Variants in RALGPS2 observed in about 807,000 individuals in gnomAD.
RALGPS2 encodes Ral GEF with PH domain and SH3 binding motif 2, also known as ras-specific guanine nucleotide-releasing factor RalGPS2.
In RALGPS2, 43 loss-of-function variants were observed where a neutral mutation model predicts 86.8. The ratio of observed to expected loss-of-function variants is 0.50; its 90% CI spans 0.39 to 0.64. The LOEUF (loss-of-function observed/expected upper bound fraction) is 0.64, where lower values mean the gene tolerates loss of function less well. Among genes scored for constraint, RALGPS2 ranks in the 30% least tolerant of loss-of-function variants. RALGPS2 has a pLI of 0.00. For missense variants in RALGPS2, 536 were observed against 694.6 expected (o/e 0.77, Z 2.57); for synonymous variants, 243 against 231.3 (o/e 1.05, Z -0.46).
At chr1:178,915,055 A>G (rs1325468133) in intron 19 of RALGPS2, among the ~76,000 whole-genome samples, 3 of 152,230 alleles carry the variant, frequency 2.0e-5, no homozygotes, top group Admixed American at 1.3e-4. Context: ...CTGTGCAACA[A>G]GTCAACCAGA....
chr1:178,864,845 T>C (rs1405587243), intron 8 of RALGPS2: 3 of 643,964 alleles, frequency 4.7e-6, no homozygotes, highest in Non-Finnish European at 6.7e-6. Flanking sequence ...AATTTTAATG[T>C]ACATATATAA....
chr1:178,833,315 A>G, intron 7 of RALGPS2, 109 bp from the exon 8 acceptor site: 1 of 1,041,098 alleles, frequency 9.6e-7, no homozygotes, highest in Non-Finnish European at 1.3e-6. Flanking sequence ...AAGAAGATAT[A>G]ACTTTGAAAT....
chr1:178,843,457 A>T (rs1656701860), intron 8 of RALGPS2, among the ~76,000 whole-genome samples: 1 of 147,052 alleles, frequency 6.8e-6, no homozygotes, highest in African/African-American at 2.5e-5. Context: ...GAACAATGAG[A>T]TCACATGGAC....
intron 7 of RALGPS2, among the ~76,000 whole-genome samples, chr1:178,830,325 G>C (rs1655958294): frequency 6.6e-6 from 1 of 152,174 alleles, no homozygotes; most frequent in African/African-American, 2.4e-5. Context: ...TGGCCTAACA[G>C]ATGTCAGGAT....
chr1:178,726,421 G>C (rs1328724421), intron 1 of RALGPS2: 1 of 152,180 alleles, frequency 6.6e-6, no homozygotes, highest in Non-Finnish European at 1.5e-5. Flanking sequence ...GAAGCTGCGA[G>C]CTGATAGGAG....
At chr1:178,889,482 C>T (rs1290755669) in intron 13 of RALGPS2, among the ~76,000 whole-genome samples, 160 bp from the exon 14 acceptor site, 1 of 151,938 alleles carries the variant, frequency 6.6e-6, no homozygotes, top group Non-Finnish European at 1.5e-5. Context: ...ATAAACCTAA[C>T]AGCAGTAATA....
chr1:178,790,679 C>T (rs936271902), intron 4 of RALGPS2, among the ~76,000 whole-genome samples: 3 of 152,192 alleles, frequency 2.0e-5, no homozygotes, highest in Admixed American at 6.5e-5. Flanking sequence ...TTGATATATA[C>T]ACTTTAATGC....
At chr1:178,853,000 A>G in intron 8 of RALGPS2, 1 of 1,549,564 alleles carries the variant, frequency 6.5e-7, no homozygotes, top group Non-Finnish European at 8.7e-7. Context: ...GTATAGAGAT[A>G]GTAAACATTT....
chr1:178,852,759 T>A (rs1348421741), intron 8 of RALGPS2: 1 of 1,613,850 alleles, frequency 6.2e-7, no homozygotes, highest in Non-Finnish European at 8.5e-7. Flanking sequence ...CCCCTGCATT[T>A]CCCTGGTAAG....
At chr1:178,744,248 A>G (rs1489055980) in intron 1 of RALGPS2, among the ~76,000 whole-genome samples, 1 of 152,220 alleles carries the variant, frequency 6.6e-6, no homozygotes, top group Non-Finnish European at 1.5e-5. Context: ...AAAAAACTAT[A>G]TGATCATCTC....
Position 178,775,871 on chromosome 1 carries a change from T to C in RALGPS2, c.-83-811T>C, listed in dbSNP as rs185344426. Among the ~76,000 whole-genome samples, 3 of 150,240 alleles carry C rather than the reference T, an allele frequency of 2.0e-5. No homozygotes were observed. The East Asian group carries it at 5.9e-4, about 29-fold the overall frequency. Reference sequence around the variant, plus strand: ...TGGTACAGTAAAGCCACCATATCCATGGGTTCTACATCTGGATTCAAACAA... The same window carrying C: ...TGGTACAGTAAAGCCACCATATCCACGGGTTCTACATCTGGATTCAAACAA... On this transcript the variant is annotated intron_variant, in intron 1 of 19. Coordinates refer to ENST00000367635, the MANE Select transcript of RALGPS2 (RefSeq NM_152663.5).
At chr1:178,827,017 C>T (rs1655778514) in intron 7 of RALGPS2, among the ~76,000 whole-genome samples, 1 of 151,948 alleles carries the variant, frequency 6.6e-6, no homozygotes, top group Admixed American at 6.6e-5. Context: ...AGTAACATTC[C>T]AAGATACAAA....
At chr1:178,859,396 T>C (rs2102316105) in intron 8 of RALGPS2, among the ~76,000 whole-genome samples, 1 of 148,110 alleles carries the variant, frequency 6.8e-6, no homozygotes, top group East Asian at 2.0e-4. Context: ...ACTTTCCAAG[T>C]TTAACTTTTT....
At chr1:178,846,076 T>G (rs1378259390) in intron 8 of RALGPS2, among the ~76,000 whole-genome samples, 1 of 152,232 alleles carries the variant, frequency 6.6e-6, no homozygotes, top group Admixed American at 6.5e-5. Context: ...TTCTAACTCA[T>G]GTAAAAATGT....
chr1:178,761,469 C>CTGGGTT (rs199506388), intron 1 of RALGPS2, among the ~76,000 whole-genome samples: 1,951 of 151,844 alleles, frequency 0.013, 24 homozygotes, highest in Non-Finnish European at 0.019. Context: ...TTTTGCGTGA[C>CTGGGTT]TGGGTTTGTT....
intron 1 of RALGPS2, among the ~76,000 whole-genome samples, chr1:178,772,455 G>T (rs1460290154): frequency 6.6e-6 from 1 of 152,162 alleles, no homozygotes. Context: ...TATCTTAGGA[G>T]ATCTCAGCTC....
chr1:178,840,584 T>A (rs981490977), intron 8 of RALGPS2, among the ~76,000 whole-genome samples: 19 of 151,050 alleles, frequency 1.3e-4, no homozygotes, highest in African/African-American at 4.4e-4. Context: ...ACATCACAAT[T>A]GAACTAGAGA....
chr1:178,780,506 C>T (rs1653337691), intron 2 of RALGPS2, among the ~76,000 whole-genome samples: 1 of 152,104 alleles, frequency 6.6e-6, no homozygotes, highest in South Asian at 2.1e-4. Context: ...TGTGGTTCCT[C>T]ATTGCCTACT....
intron 1 of RALGPS2, among the ~76,000 whole-genome samples, chr1:178,774,038 C>A (rs1243281495): frequency 6.6e-6 from 1 of 152,114 alleles, no homozygotes; most frequent in Non-Finnish European, 1.5e-5. Flanking sequence ...GTTAAGAGTT[C>A]GAGACCAGCC....
Sources: allele counts gnomAD v4.1 joint callset (sites outside exome capture counted in the v4.1 genomes callset), GRCh38; gene constraint gnomAD v4.1.1; transcripts MANE v1.5; gene names NCBI Gene and HGNC (gene_info 2026-07-23, HGNC 2026-07-21).